Variants in ST6GALNAC3 observed in about 807,000 individuals in gnomAD.
ST6GALNAC3 encodes ST6 N-acetylgalactosaminide alpha-2,6-sialyltransferase 3.
ST6GALNAC3 carries 25 observed loss-of-function variants against 32.7 expected under a neutral mutation model. The observed-to-expected ratio is 0.76, with a 90% CI of 0.56 to 1.07. ST6GALNAC3 has a LOEUF of 1.07. Among genes scored for constraint, ST6GALNAC3 ranks in the 50% least tolerant of loss-of-function variants. The probability of loss-of-function intolerance (pLI) is 0.00; values close to 1 mark genes in which losing one functional copy is unlikely to be tolerated. For synonymous variants in ST6GALNAC3, 129 were observed against 133.1 expected, an observed-to-expected ratio of 0.97 and a Z score of 0.21; for missense variants, 355 against 382.4, an observed-to-expected ratio of 0.93 and a Z score of 0.60.
chr1:76,494,406 G>A (rs1660674466), intron 3 of ST6GALNAC3, among the ~76,000 whole-genome samples: 1 of 128,190 alleles, frequency 7.8e-6, no homozygotes, highest in Non-Finnish European at 1.6e-5. Context: ...CAGGGGAATA[G>A]GACTAATAGG....
At chr1:76,484,238 GT>G in intron 3 of ST6GALNAC3, among the ~76,000 whole-genome samples, 1 of 152,288 alleles carries the variant, frequency 6.6e-6, no homozygotes, top group African/African-American at 2.4e-5. Flanking sequence ...CTTTAAAGTA[GT>G]TTTTTCCAAT....
intron 3 of ST6GALNAC3, among the ~76,000 whole-genome samples, chr1:76,473,421 G>A (rs1432028080): frequency 2.0e-5 from 3 of 152,096 alleles, no homozygotes; most frequent in African/African-American, 7.2e-5. Flanking sequence ...GAAAATTTTT[G>A]TGGTCTGCAG....
chr1:76,624,894 G>A lies in ST6GALNAC3; in HGVS notation c.624-2558G>A, dbSNP rs540767018. 1.1e-4 allele frequency among the ~76,000 whole-genome samples: 16 copies of A among 152,004 alleles called. No individual in the cohort carries two copies. The East Asian group carries it at 2.9e-3, about 28-fold the overall frequency. On this transcript the variant is annotated intron_variant, in intron 3 of 4. Coordinates refer to ENST00000328299, the MANE Select transcript of ST6GALNAC3 (RefSeq NM_152996.4). ...CATCACACAAGGGAGCATGAAATGT[G>A]ATCTGACGTATTCACATGTTTGCTC...
intron 3 of ST6GALNAC3, among the ~76,000 whole-genome samples, chr1:76,608,997 G>A (rs1315000598): frequency 6.6e-6 from 1 of 151,986 alleles, no homozygotes; most frequent in Non-Finnish European, 1.5e-5. Context: ...GATTATTTTG[G>A]TCCATTGTAC....
intron 3 of ST6GALNAC3, among the ~76,000 whole-genome samples, chr1:76,507,127 T>G (rs1412012977): frequency 6.6e-6 from 1 of 152,142 alleles, no homozygotes; most frequent in Non-Finnish European, 1.5e-5. Context: ...CTGTTGGTCC[T>G]AAGTATAAGG....
At chr1:76,419,398 T>G in intron 3 of ST6GALNAC3, among the ~76,000 whole-genome samples, 1 of 152,156 alleles carries the variant, frequency 6.6e-6, no homozygotes, top group Non-Finnish European at 1.5e-5. Context: ...AAAGTAGGCC[T>G]TAAATGGGAA....
At chr1:76,084,008 A>C (rs1646933337) in intron 1 of ST6GALNAC3, among the ~76,000 whole-genome samples, 1 of 152,362 alleles carries the variant, frequency 6.6e-6, no homozygotes, top group South Asian at 2.1e-4. Flanking sequence ...AAATTTTAAA[A>C]ATGTGGTTTG....
At chr1:76,170,117 G>A (rs768698766) in intron 1 of ST6GALNAC3, among the ~76,000 whole-genome samples, 32 of 152,276 alleles carry the variant, frequency 2.1e-4, no homozygotes, top group Middle Eastern at 3.4e-3. Context: ...CCAACATTCA[G>A]CTCCCAACTC....
intron 1 of ST6GALNAC3, among the ~76,000 whole-genome samples, chr1:76,281,856 TAAGGA>T (rs1659514498): frequency 6.6e-6 from 1 of 152,034 alleles, no homozygotes; most frequent in East Asian, 1.9e-4. Context: ...GAATTGGCAG[TAAGGA>T]AAGGGAGGAA....
intron 1 of ST6GALNAC3, among the ~76,000 whole-genome samples, chr1:76,256,961 T>A (rs1423452550): frequency 6.6e-6 from 1 of 152,164 alleles, no homozygotes; most frequent in African/African-American, 2.4e-5. Flanking sequence ...GATGTCTAGC[T>A]GGCAATTGGT....
At chr1:76,421,538 T>C (rs114202070) in intron 3 of ST6GALNAC3, among the ~76,000 whole-genome samples, 7 of 152,074 alleles carry the variant, frequency 4.6e-5, no homozygotes, top group Non-Finnish European at 7.4e-5. Context: ...AGGAGGCAAA[T>C]ATAAGCACCA....
At position 76,409,784 on chromosome 1, in the gene ST6GALNAC3, G is replaced by A. The variant is rs964328923; in HGVS notation, c.214-2224G>A. On this transcript the variant is annotated intron_variant, in intron 2 of 4. Transcript: ENST00000328299. ...AAGGAAAAAAATATGACAAAAATCG[G>A]TGTAGTGTTATTGAGTGATGAGAAT... Among the ~76,000 whole-genome samples, 5 of 152,182 alleles carry A rather than the reference G, an allele frequency of 3.3e-5. No individual in the cohort carries two copies. The South Asian group carries it at 6.2e-4, about 19-fold the overall frequency.
chr1:76,171,376 A>G (rs1475325413), intron 1 of ST6GALNAC3, among the ~76,000 whole-genome samples: 1 of 152,132 alleles, frequency 6.6e-6, no homozygotes, highest in East Asian at 1.9e-4. Flanking sequence ...ATTAACCACT[A>G]ACTAAGTGGA....
At chr1:76,342,307 C>G (rs1400455118) in intron 2 of ST6GALNAC3, among the ~76,000 whole-genome samples, 2 of 152,164 alleles carry the variant, frequency 1.3e-5, no homozygotes, top group Non-Finnish European at 2.9e-5. Flanking sequence ...AATGGTTGAA[C>G]TAATTTACAC....
chr1:76,210,668 G>A (rs1027146137), intron 1 of ST6GALNAC3, among the ~76,000 whole-genome samples: 1 of 152,100 alleles, frequency 6.6e-6, no homozygotes, highest in African/African-American at 2.4e-5. Flanking sequence ...TCTCTCCTTG[G>A]CTTGCAGACA....
rs113842934 is a variant in ST6GALNAC3, at chr1:76,122,788, A to G, written c.18+47904A>G. On this transcript the variant is annotated intron_variant, in intron 1 of 4. Transcript: ENST00000328299. ...CAAAAGGGGTACGTGAGCTCCAGGA[A>G]CAGGTAGCATCATTTCCATCAGCTC... 1.6e-3 allele frequency among the ~76,000 whole-genome samples: 236 copies of G among 152,242 alleles called. 2 individuals are homozygous for G. In the South Asian group the frequency reaches 0.024, roughly 15 times the overall value.
intron 3 of ST6GALNAC3, among the ~76,000 whole-genome samples, chr1:76,535,206 A>T (rs1190264645): frequency 3.3e-5 from 5 of 152,162 alleles, no homozygotes; most frequent in Admixed American, 3.3e-4. Flanking sequence ...ACCTGTAAAG[A>T]GCTTAGAAAA....
chr1:76,272,322 C>T (rs2100758868), intron 1 of ST6GALNAC3, among the ~76,000 whole-genome samples: 1 of 52,658 alleles, frequency 1.9e-5, no homozygotes, highest in South Asian at 7.4e-4. Flanking sequence ...GACTCAGTCT[C>T]GGAAAAAAAA....
chr1:76,604,756 T>C (rs558534854), intron 3 of ST6GALNAC3, among the ~76,000 whole-genome samples: 1 of 152,344 alleles, frequency 6.6e-6, no homozygotes, highest in African/African-American at 2.4e-5. Context: ...CTAAAATAAC[T>C]TGGTCTCTGG....
Sources: allele counts gnomAD v4.1 joint callset (sites outside exome capture counted in the v4.1 genomes callset), GRCh38; gene constraint gnomAD v4.1.1; transcripts MANE v1.5; gene names NCBI Gene and HGNC (gene_info 2026-07-23, HGNC 2026-07-21).